PRMT3: variants seen among roughly 807,000 people sequenced by gnomAD.
PRMT3 encodes the protein protein arginine N-methyltransferase 3.
In PRMT3, 62 loss-of-function variants were observed where a neutral mutation model predicts 71.9. That is an observed-to-expected ratio of 0.86 (90% CI 0.70 to 1.07). The LOEUF is 1.07. PRMT3 is among the 50% of genes least tolerant of loss of function. The probability of loss-of-function intolerance (pLI) is 0.00; values close to 1 mark genes in which losing one functional copy is unlikely to be tolerated. For synonymous variants in PRMT3, 213 were observed against 220.4 expected (o/e 0.97, Z 0.30); for missense variants, 663 against 643.0 (o/e 1.03, Z -0.34).
At chr11:20,435,710 T>G (rs897908961) in intron 10 of PRMT3, among the ~76,000 whole-genome samples, 1 of 152,212 alleles carries the variant, frequency 6.6e-6, no homozygotes, top group Non-Finnish European at 1.5e-5. Context: ...GTGTCTGCTT[T>G]TATGCCAATA....
intron 13 of PRMT3, among the ~76,000 whole-genome samples, chr11:20,485,868 T>C (rs1590102852): frequency 6.6e-6 from 1 of 152,206 alleles, no homozygotes; most frequent in Admixed American, 6.5e-5. Context: ...TGTATCCAAA[T>C]GTAGGTGTAT....
At chr11:20,487,455 G>C (rs1851101451) in intron 13 of PRMT3, among the ~76,000 whole-genome samples, 3 of 152,144 alleles carry the variant, frequency 2.0e-5, no homozygotes, top group Non-Finnish European at 4.4e-5. Context: ...AGGACTGCCT[G>C]ATGTATGATT....
chr11:20,395,764 A>G (rs1195979838), intron 5 of PRMT3, 39 bp from the exon 6 acceptor site: 1 of 1,581,720 alleles, frequency 6.3e-7, no homozygotes, highest in East Asian at 2.2e-5. Context: ...TTTTATTGTT[A>G]TAAGATGGCC....
chr11:20,409,851 A>G (rs574199075), intron 9 of PRMT3, among the ~76,000 whole-genome samples: 2 of 152,272 alleles, frequency 1.3e-5, no homozygotes, highest in African/African-American at 2.4e-5. Flanking sequence ...CCAAACAAAT[A>G]TGAGAACCAC....
chr11:20,389,935 T>C, intron 3 of PRMT3, 109 bp downstream of exon 3: 2 of 772,358 alleles, frequency 2.6e-6, no homozygotes, highest in Non-Finnish European at 4.3e-6. Context: ...GTGGATCACT[T>C]TAGGTCGGGA....
chr11:20,429,745 T>C (rs746935443), intron 10 of PRMT3, among the ~76,000 whole-genome samples: 5 of 152,242 alleles, frequency 3.3e-5, no homozygotes, highest in Non-Finnish European at 7.3e-5. Context: ...TTAAGTGCTC[T>C]AGGTGGGGCA....
At chr11:20,419,081 T>C (rs1849370746) in intron 9 of PRMT3, among the ~76,000 whole-genome samples, 1 of 152,220 alleles carries the variant, frequency 6.6e-6, no homozygotes, top group African/African-American at 2.4e-5. Context: ...TATACATATC[T>C]TCAAATTTCC....
intron 13 of PRMT3, among the ~76,000 whole-genome samples, chr11:20,478,507 G>A (rs910193043): frequency 6.6e-6 from 1 of 151,304 alleles, no homozygotes; most frequent in Non-Finnish European, 1.5e-5. Context: ...CTCCAGCCTG[G>A]GTGACAGAGT....
At chr11:20,407,768 C>T (rs1590040978) in intron 8 of PRMT3, 143 bp from the exon 9 acceptor site, 1 of 729,326 alleles carries the variant, frequency 1.4e-6, no homozygotes, top group South Asian at 2.2e-5. Context: ...GGATTACAGG[C>T]GTGAGCCACC....
intron 5 of PRMT3, among the ~76,000 whole-genome samples, chr11:20,394,319 C>G (rs2133299793): frequency 6.6e-6 from 1 of 152,236 alleles, no homozygotes; most frequent in South Asian, 2.1e-4. Flanking sequence ...AAATTAAATA[C>G]TAGGAATTAG....
intron 9 of PRMT3, among the ~76,000 whole-genome samples, chr11:20,411,656 A>G (rs969747191): frequency 6.6e-6 from 1 of 152,124 alleles, no homozygotes; most frequent in Non-Finnish European, 1.5e-5. Context: ...ACTACTAACC[A>G]TGGAGAGTAT....
Position 20,389,730 on chromosome 11 carries a change from G to T in PRMT3, c.165-14G>T. On this transcript the variant is annotated splice_polypyrimidine_tract_variant and intron_variant, in intron 2 of 15. Transcript: ENST00000331079. ...TAGGGGACTATTCCATGAAGCTATT[G>T]CTTGATTTTTCAGGTTATTCACATC... The T allele has an allele frequency of 1.3e-6, 2 of 1,582,590 alleles. No individual in the cohort carries two copies. The highest frequency in any genetic ancestry group is 2.2e-5 in the East Asian group (1 of 44,600).
chr11:20,489,381 T>G (rs890126023), intron 13 of PRMT3, among the ~76,000 whole-genome samples: 5 of 152,318 alleles, frequency 3.3e-5, no homozygotes, highest in Admixed American at 3.3e-4. Flanking sequence ...AAATTTCTTC[T>G]GCAGTCAGCC....
At chr11:20,484,616 T>C (rs1851027068) in intron 13 of PRMT3, among the ~76,000 whole-genome samples, 1 of 152,198 alleles carries the variant, frequency 6.6e-6, no homozygotes, top group South Asian at 2.1e-4. Context: ...GACTTGCTCC[T>C]CTTTGCCTTC....
chr11:20,444,951 A>G (rs569021652), intron 10 of PRMT3, among the ~76,000 whole-genome samples: 2 of 152,046 alleles, frequency 1.3e-5, no homozygotes, highest in African/African-American at 4.8e-5. Context: ...TGTGTCATTG[A>G]TAGTTTGGCT....
intron 10 of PRMT3, among the ~76,000 whole-genome samples, chr11:20,434,990 G>A (rs1222864862): frequency 1.3e-5 from 2 of 152,114 alleles, no homozygotes; most frequent in African/African-American, 2.4e-5. Context: ...CCATTTCAAT[G>A]ATATTGATCC....
chr11:20,459,822 C>T (rs1347214538), intron 11 of PRMT3, among the ~76,000 whole-genome samples: 1 of 152,174 alleles, frequency 6.6e-6, no homozygotes, highest in East Asian at 1.9e-4. Flanking sequence ...ATAGCTGATC[C>T]TCTTACTGAG....
chr11:20,476,448 G>T (rs929011039), intron 13 of PRMT3, among the ~76,000 whole-genome samples: 1 of 152,094 alleles, frequency 6.6e-6, no homozygotes, highest in African/African-American at 2.4e-5. Context: ...ATTTTAATAT[G>T]AATGTAAAGT....
chr11:20,490,107 C>A (rs1851172001), intron 13 of PRMT3, among the ~76,000 whole-genome samples: 1 of 151,016 alleles, frequency 6.6e-6, no homozygotes, highest in South Asian at 2.1e-4. Flanking sequence ...TGTACGAATG[C>A]TGTCTAGTGA....
Sources: gnomAD v4.1 joint callset for allele counts (sites outside exome capture counted in the v4.1 genomes callset) on GRCh38, gnomAD v4.1.1 for gene constraint, MANE v1.5 for transcripts, NCBI Gene and HGNC (gene_info 2026-07-23, HGNC 2026-07-21) for gene names.